Variants in PLEKHG7 observed in about 807,000 individuals in gnomAD.
The protein encoded by PLEKHG7 is pleckstrin homology and RhoGEF domain containing G7, also known as pleckstrin homology domain-containing family G member 7.
PLEKHG7 carries 77 observed loss-of-function variants against 85.2 expected under a neutral mutation model. The ratio of observed to expected loss-of-function variants is 0.90; its 90% CI spans 0.75 to 1.09. PLEKHG7 has a LOEUF of 1.09. Ranked by LOEUF, PLEKHG7 falls within the 50% of genes least tolerant of loss-of-function variation. The pLI, the probability that PLEKHG7 is intolerant of heterozygous loss-of-function variation, is 0.00. For missense variants in PLEKHG7, 777 were observed against 804.3 expected (o/e 0.97, Z 0.41); for synonymous variants, 301 against 302.4 (o/e 1.00, Z 0.05).
chr12:92,752,779 C>T (rs4760495), intron 10 of PLEKHG7, among the ~76,000 whole-genome samples: 129,011 of 152,152 alleles, frequency 0.85, 55,075 homozygotes, highest in East Asian at 0.96. Flanking sequence ...ACACCATAGA[C>T]TGGGTGGCTT....
At chr12:92,708,387 GT>G in intron 3 of PLEKHG7, 1 of 152,470 alleles carries the variant, frequency 6.6e-6, no homozygotes, top group East Asian at 1.9e-4. Flanking sequence ...ATTCATAGCA[GT>G]AAGGATAACA....
At chr12:92,769,221 G>A (rs1050854339) in intron 16 of PLEKHG7, 141 bp downstream of exon 16, 7 of 605,804 alleles carry the variant, frequency 1.2e-5, no homozygotes, top group African/African-American at 1.1e-4. Flanking sequence ...GGAGGGGAGG[G>A]GTACATCTAG....
At chr12:92,707,708 T>A (rs754489916) in intron 3 of PLEKHG7, 36 bp downstream of exon 3, 47 of 1,613,766 alleles carry the variant, frequency 2.9e-5, no homozygotes, top group Non-Finnish European at 3.8e-5. Context: ...TGCTATGACA[T>A]CTGTTGACTA....
intron 15 of PLEKHG7, among the ~76,000 whole-genome samples, chr12:92,768,330 C>A (rs543291148): frequency 6.6e-6 from 1 of 152,308 alleles, no homozygotes; most frequent in South Asian, 2.1e-4. Flanking sequence ...AGTCTGCTCT[C>A]CCACTATCTT....
intron 15 of PLEKHG7, among the ~76,000 whole-genome samples, chr12:92,765,287 G>T (rs1873159162): frequency 6.8e-6 from 1 of 147,760 alleles, no homozygotes; most frequent in Non-Finnish European, 1.5e-5. Context: ...AGGAGTTTGA[G>T]ACCAGCCTGG....
chr12:92,746,861 C>A lies in PLEKHG7; in HGVS notation c.1251+1270C>A, dbSNP rs141512043. On this transcript the variant is annotated intron_variant, in intron 10 of 16. Transcript: ENST00000344636. ...AATGAAAGTAGACCCCTATCTCTCA[C>A]CATATGTAAAAATCAAATAAAAATG... Among the ~76,000 whole-genome samples, 521 of 152,180 alleles carry A rather than the reference C, an allele frequency of 3.4e-3. 1 individual carries two copies. Among genetic ancestry groups the A allele is most frequent in the South Asian group, 8.7e-3 (42 of 4,814 alleles).
intron 3 of PLEKHG7, among the ~76,000 whole-genome samples, chr12:92,726,208 T>A (rs1871812142): frequency 6.6e-6 from 1 of 152,108 alleles, no homozygotes; most frequent in Admixed American, 6.6e-5. Context: ...CTGGTAGGAC[T>A]TGAGCAGCAG....
At chr12:92,748,490 C>T (rs1355056809) in intron 10 of PLEKHG7, among the ~76,000 whole-genome samples, 1 of 151,650 alleles carries the variant, frequency 6.6e-6, no homozygotes, top group Non-Finnish European at 1.5e-5. Flanking sequence ...TCAAGTGATC[C>T]ACCTGCCTCA....
At position 92,756,350 on chromosome 12, in the gene PLEKHG7, C is replaced by G. The variant is rs991293667; in HGVS notation, c.1595C>G (p.Thr532Ser). 2 of 1,613,316 alleles carry G rather than the reference C, an allele frequency of 1.2e-6. No individual in the cohort carries two copies. Among genetic ancestry groups the G allele is most frequent in the East Asian group, 4.5e-5 (2 of 44,872 alleles). ...EHMAENILSP[T>S]SRHLLYEGKL... ...ATGGCAGAAAACATCTTGTCACCAA[C>G]CAGCAGACACCTTCTCTATGAAGGA... Residue 532 changes from threonine to serine, a missense_variant, in exon 13 of 17, where the codon ACC becomes AGC. Physicochemically the swap from Thr to Ser is moderately conservative, Grantham distance 58 (BLOSUM62 1). Transcript: ENST00000344636.
chr12:92,743,835 C>T (rs1872440099), intron 9 of PLEKHG7, among the ~76,000 whole-genome samples: 1 of 152,176 alleles, frequency 6.6e-6, no homozygotes, highest in African/African-American at 2.4e-5. Context: ...GCTGGGATTA[C>T]AGGCGCAAGT....
chr12:92,720,414 C>G (rs1413364033), intron 3 of PLEKHG7, among the ~76,000 whole-genome samples: 2 of 152,008 alleles, frequency 1.3e-5, no homozygotes, highest in Non-Finnish European at 2.9e-5. Flanking sequence ...CAACCTCTGC[C>G]TCTCAGATTC....
In PLEKHG7 at chr12:92,728,979, T is replaced by C. The variant is rs1871903609; in HGVS notation, c.531-14T>C. 2 of 1,231,250 alleles carry C rather than the reference T, an allele frequency of 1.6e-6. No homozygotes were observed. The highest frequency in any genetic ancestry group is 4.1e-5 in the South Asian group (1 of 24,294). 76.3% of individuals were successfully genotyped at this position (1,231,250 alleles called of 1,614,324 possible). On this transcript the variant is annotated splice_polypyrimidine_tract_variant and intron_variant, in intron 3 of 16. Coordinates refer to ENST00000344636, the MANE Select transcript of PLEKHG7 (RefSeq NM_001377329.1). ...ATATTTCGGTGTGGTTTTCCTTTTA[T>C]CTCTTGAGCACAGGTTCTACGAGCA...
At chr12:92,737,557 A>AT (rs1872194916) in intron 7 of PLEKHG7, 36 bp downstream of exon 7, 1 of 1,592,768 alleles carries the variant, frequency 6.3e-7, no homozygotes, top group Admixed American at 1.8e-5. Context: ...TAGATGGAAA[A>AT]TATTAATTTG....
At chr12:92,708,087 C>T (rs1871292261) in intron 3 of PLEKHG7, 1 of 199,860 alleles carries the variant, frequency 5.0e-6, no homozygotes, top group East Asian at 1.3e-4. Flanking sequence ...TTTAAAATAA[C>T]CTGTTATGAC....
chr12:92,750,322 A>G (rs1416873446), intron 10 of PLEKHG7, among the ~76,000 whole-genome samples: 2 of 152,214 alleles, frequency 1.3e-5, no homozygotes, highest in Non-Finnish European at 2.9e-5. Context: ...TGAAGTCAAT[A>G]GAGAGATGAA....
chr12:92,710,363 GGT>G (rs1871343931), intron 3 of PLEKHG7, among the ~76,000 whole-genome samples: 1 of 152,168 alleles, frequency 6.6e-6, no homozygotes, highest in Admixed American at 6.5e-5. Flanking sequence ...TGGGGAACAT[GGT>G]AAGACCAGTG....
intron 1 of PLEKHG7, 66 bp from the exon 2 acceptor site, chr12:92,706,405 C>T: frequency 2.0e-6 from 1 of 488,774 alleles, no homozygotes; most frequent in Non-Finnish European, 3.5e-6. Flanking sequence ...AAATTTTAGA[C>T]CTTTTTTCTC....
intron 3 of PLEKHG7, chr12:92,721,629 C>A: frequency 1.3e-6 from 1 of 765,444 alleles, no homozygotes; most frequent in Non-Finnish European, 1.6e-6. Context: ...CTGGGTCAGA[C>A]ACCCAGTTAT....
intron 3 of PLEKHG7, among the ~76,000 whole-genome samples, chr12:92,725,960 G>A (rs965087653): frequency 2.6e-5 from 4 of 152,094 alleles, no homozygotes; most frequent in Admixed American, 1.3e-4. Context: ...GAATCTCCAC[G>A]GTGGGACTTG....
Sources: gnomAD v4.1 joint callset for allele counts (sites outside exome capture counted in the v4.1 genomes callset) on GRCh38, gnomAD v4.1.1 for gene constraint, MANE v1.5 for transcripts, NCBI Gene and HGNC (gene_info 2026-07-23, HGNC 2026-07-21) for gene names.